The following CCDC7 variants were observed in gnomAD, a reference collection of about 807,000 sequenced individuals.
CCDC7 encodes the protein coiled-coil domain-containing protein 7.
Under a neutral mutation model 196.9 loss-of-function variants are expected in CCDC7, and 183 were observed. The observed-to-expected ratio is 0.93, with a 90% CI of 0.82 to 1.05. The LOEUF (loss-of-function observed/expected upper bound fraction) is 1.05. Among genes scored for constraint, CCDC7 ranks in the 50% least tolerant of loss-of-function variants. The pLI is 0.00. For synonymous variants in CCDC7, 525 were observed against 484.6 expected (o/e 1.08, Z -1.10); for missense variants, 1,540 against 1,482.2 (o/e 1.04, Z -0.64).
intron 20 of CCDC7, among the ~76,000 whole-genome samples, chr10:32,635,828 C>G (rs780455624): frequency 2.0e-5 from 3 of 151,662 alleles, no homozygotes; most frequent in Non-Finnish European, 2.9e-5. Context: ...CAAATTCAGT[C>G]TAATATTTTT....
At chr10:32,813,894 T>C (rs2087735208) in intron 30 of CCDC7, among the ~76,000 whole-genome samples, 1 of 152,156 alleles carries the variant, frequency 6.6e-6, no homozygotes, top group Non-Finnish European at 1.5e-5. Flanking sequence ...CTTTTTAAGG[T>C]TTTTGTTATT....
At chr10:32,710,248 A>G (rs762468756) in intron 24 of CCDC7, among the ~76,000 whole-genome samples, 1 of 152,228 alleles carries the variant, frequency 6.6e-6, no homozygotes, top group Non-Finnish European at 1.5e-5. Flanking sequence ...CACACAGGAA[A>G]GCAATCCCAA....
intron 24 of CCDC7, among the ~76,000 whole-genome samples, chr10:32,698,593 A>G (rs2078119606): frequency 2.0e-5 from 3 of 152,206 alleles, no homozygotes; most frequent in African/African-American, 7.2e-5. Context: ...CAAGTGGAAG[A>G]AAGGGTATCA....
At chr10:32,551,574 C>T (rs2053484200) in intron 13 of CCDC7, among the ~76,000 whole-genome samples, 1 of 152,022 alleles carries the variant, frequency 6.6e-6, no homozygotes. Flanking sequence ...TTGCTGTATC[C>T]CACAGGTTTT....
chr10:32,451,957 C>G, intron 1 of CCDC7, 36 bp downstream of exon 2: 1 of 1,576,702 alleles, frequency 6.3e-7, no homozygotes, highest in Non-Finnish European at 8.6e-7. Context: ...TGCAGGGCCC[C>G]CATGATCACC....
At chr10:32,561,073 C>A (rs868483485) in intron 13 of CCDC7, among the ~76,000 whole-genome samples, 1 of 151,954 alleles carries the variant, frequency 6.6e-6, no homozygotes, top group African/African-American at 2.4e-5. Flanking sequence ...GAGACAAGGC[C>A]ATTACGTAAT....
chr10:32,838,749 CTA>C (rs1022142499), intron 33 of CCDC7, among the ~76,000 whole-genome samples: 1 of 151,920 alleles, frequency 6.6e-6, no homozygotes, highest in African/African-American at 2.4e-5. Context: ...ATAAGGTAAC[CTA>C]TAAAGGAAAA....
At chr10:32,564,266 A>G (rs1388984135) in intron 13 of CCDC7, among the ~76,000 whole-genome samples, 4 of 152,206 alleles carry the variant, frequency 2.6e-5, no homozygotes, top group East Asian at 3.9e-4. Context: ...ATCTAGAACT[A>G]GAAATACCAT....
intron 13 of CCDC7, among the ~76,000 whole-genome samples, chr10:32,559,741 T>A (rs1429343503): frequency 6.6e-6 from 1 of 152,080 alleles, no homozygotes; most frequent in Non-Finnish European, 1.5e-5. Flanking sequence ...GCAGAAAAAC[T>A]GGAAACTCTA....
At chr10:32,634,197 G>A (rs1000314958) in intron 18 of CCDC7, 57 bp from the exon 20 acceptor site, 8 of 748,902 alleles carry the variant, frequency 1.1e-5, no homozygotes, top group Non-Finnish European at 1.3e-5. Flanking sequence ...GAAATTTGGA[G>A]ATTTCACAAT....
At chr10:32,732,183 T>C (rs942339764) in intron 28 of CCDC7, among the ~76,000 whole-genome samples, 2 of 152,138 alleles carry the variant, frequency 1.3e-5, no homozygotes, top group Non-Finnish European at 2.9e-5. Flanking sequence ...ACTGAGAAAA[T>C]GGATGAAATA....
intron 29 of CCDC7, among the ~76,000 whole-genome samples, chr10:32,794,096 C>T (rs575228962): frequency 1.3e-5 from 2 of 152,224 alleles, no homozygotes; most frequent in East Asian, 3.9e-4. Context: ...GGTAGCCTTC[C>T]CACCCATGTC....
chr10:32,452,658 A>G (rs374778496), intron 1 of CCDC7, among the ~76,000 whole-genome samples: 11 of 152,086 alleles, frequency 7.2e-5, no homozygotes, highest in African/African-American at 2.4e-4. Flanking sequence ...GGGTTTCACC[A>G]TACTGGTCAG....
intron 9 of CCDC7, among the ~76,000 whole-genome samples, chr10:32,517,255 T>G (rs922962344): frequency 1.3e-5 from 2 of 152,088 alleles, no homozygotes; most frequent in African/African-American, 4.8e-5. Context: ...CTGGGAAAGA[T>G]CTATGTTTAT....
chr10:32,696,109 A>G (rs1403156705), intron 24 of CCDC7, among the ~76,000 whole-genome samples: 1 of 152,068 alleles, frequency 6.6e-6, no homozygotes, highest in Non-Finnish European at 1.5e-5. Context: ...AATGGTCCTA[A>G]TTGCAACAAT....
At chr10:32,676,513 A>C (rs182972860) in intron 21 of CCDC7, among the ~76,000 whole-genome samples, 2 of 152,186 alleles carry the variant, frequency 1.3e-5, no homozygotes, top group Non-Finnish European at 2.9e-5. Context: ...GAACTCAAAC[A>C]AATTTACAAG....
chr10:32,615,775 A>G (rs910168577), intron 18 of CCDC7, among the ~76,000 whole-genome samples: 9 of 151,974 alleles, frequency 5.9e-5, no homozygotes, highest in Non-Finnish European at 1.2e-4. Flanking sequence ...AGTTTTTCCT[A>G]GGTTTCTTCT....
At chr10:32,491,547 TC>T in intron 8 of CCDC7, among the ~76,000 whole-genome samples, 2 of 152,332 alleles carry the variant, frequency 1.3e-5, no homozygotes, top group South Asian at 4.1e-4. Flanking sequence ...CTATAGTCCC[TC>T]TGATATTCCA....
intron 8 of CCDC7, among the ~76,000 whole-genome samples, chr10:32,491,316 C>T (rs1323725029): frequency 6.6e-6 from 1 of 152,122 alleles, no homozygotes; most frequent in African/African-American, 2.4e-5. Flanking sequence ...TGTCTTCTGT[C>T]ATATACTTTT....
Sources: allele counts gnomAD v4.1 joint callset (sites outside exome capture counted in the v4.1 genomes callset), GRCh38; gene constraint gnomAD v4.1.1; transcripts MANE v1.5; gene names NCBI Gene and HGNC (gene_info 2026-07-23, HGNC 2026-07-21).